The following TANGO2 variants were observed in gnomAD, a reference collection of about 807,000 sequenced individuals.
TANGO2 encodes the protein transport and Golgi organization protein 2 homolog.
TANGO2 carries 26 observed loss-of-function variants against 39.1 expected under a neutral mutation model. The ratio of observed to expected loss-of-function variants is 0.67; its 90% confidence interval spans 0.49 to 0.92. TANGO2 has a LOEUF of 0.92. Among genes scored for constraint, TANGO2 ranks in the 40% least tolerant of loss-of-function variants. TANGO2 has a pLI of 0.00. For missense variants in TANGO2, 326 were observed against 360.1 expected, an observed-to-expected ratio of 0.91 and a Z score of 0.77; for synonymous variants, 131 against 144.5, an observed-to-expected ratio of 0.91 and a Z score of 0.67.
chr22:20,046,849 G>A (rs1253336636), intron 3 of TANGO2, among the ~76,000 whole-genome samples: 1 of 152,012 alleles, frequency 6.6e-6, no homozygotes, highest in Admixed American at 6.6e-5. Flanking sequence ...GGTTGGCTGG[G>A]CTGGTCTCAA....
At position 20,052,461 on chromosome 22, in the gene TANGO2, A is replaced by G. The variant is rs1399000671; in HGVS notation, c.146-4A>G. On this transcript the variant is annotated splice_region_variant and splice_polypyrimidine_tract_variant and intron_variant, in intron 3 of 8. Transcript: ENST00000327374. The stretch of plus-strand genomic sequence containing the variant: ...AATGGTGGTAACACTGTCATCTGCC[A>G]CAGGGCTGGACATGGAGGAAGGCAA... 6.3e-7 allele frequency: 1 copy of G among 1,597,242 alleles called. No individual in the cohort carries two copies. Among genetic ancestry groups the G allele is most frequent in the Non-Finnish European group, 8.5e-7 (1 of 1,172,010 alleles).
chr22:20,045,842 A>G (rs1244169520), intron 3 of TANGO2, among the ~76,000 whole-genome samples: 4 of 148,962 alleles, frequency 2.7e-5, no homozygotes, highest in African/African-American at 9.9e-5. Context: ...CTTCTCTCTC[A>G]CTCTCTCCTT....
intron 5 of TANGO2, 181 bp downstream of exon 5, chr22:20,053,732 T>TA: frequency 1.6e-6 from 1 of 642,664 alleles, no homozygotes. Flanking sequence ...CTCGGGTATT[T>TA]GGGGGTGAAG....
intron 3 of TANGO2, among the ~76,000 whole-genome samples, chr22:20,051,919 T>A (rs750457438): frequency 6.6e-6 from 1 of 152,326 alleles, no homozygotes; most frequent in South Asian, 2.1e-4. Flanking sequence ...CCCCAATCTT[T>A]GGGTAAAATG....
chr22:20,021,082 CTGCGGTGG>C (rs2039559130), upstream of TANGO2: 1 of 152,914 alleles, frequency 6.5e-6, no homozygotes. Context: ...ACTGGGCTGG[CTGCGGTGG>C]CGCGCGGGCG....
At position 20,043,460 on chromosome 22, in the gene TANGO2, G is replaced by T. The variant is rs752724704; in HGVS notation, c.145+17G>T. Reference sequence around the variant, plus strand: ...TCCTCAGTGGTGAGTCTTCCTGCGTGCTCAGCGGTGGCTGCGCCTTGTTGC... The same window carrying T: ...TCCTCAGTGGTGAGTCTTCCTGCGTTCTCAGCGGTGGCTGCGCCTTGTTGC... On this transcript the variant is annotated intron_variant, in intron 3 of 8. Transcript: ENST00000327374. 10 of 1,582,644 alleles carry T rather than the reference G, an allele frequency of 6.3e-6. No homozygotes were observed. In the Middle Eastern group the frequency reaches 5.0e-4, roughly 79 times the overall value.
At chr22:20,045,794 C>T (rs2045063930) in intron 3 of TANGO2, among the ~76,000 whole-genome samples, 1 of 152,132 alleles carries the variant, frequency 6.6e-6, no homozygotes, top group African/African-American at 2.4e-5. Context: ...TGAGCCATTG[C>T]ACCCAGCGGC....
intron 1 of TANGO2, among the ~76,000 whole-genome samples, chr22:20,035,619 C>T (rs1273968641): frequency 1.3e-5 from 2 of 152,216 alleles, no homozygotes; most frequent in Middle Eastern, 3.2e-3. Context: ...GTCCCCGGCA[C>T]GTGTCCATGC....
chr22:20,031,153 G>T (rs537755334), intron 1 of TANGO2, among the ~76,000 whole-genome samples: 8 of 151,434 alleles, frequency 5.3e-5, no homozygotes, highest in Non-Finnish European at 1.2e-4. Context: ...AGCTGAGATC[G>T]CGCCGCTGCA....
chr22:20,022,935 G>C (rs1031224707), intron 1 of TANGO2, among the ~76,000 whole-genome samples: 3 of 152,238 alleles, frequency 2.0e-5, no homozygotes, highest in African/African-American at 7.2e-5. Context: ...CATGGCAGCA[G>C]CATGGCAGAG....
At position 20,041,414 on chromosome 22, in the gene TANGO2, A is replaced by G. The variant is rs193263084; in HGVS notation, c.57-1941A>G. 6.1e-4 allele frequency among the ~76,000 whole-genome samples: 92 copies of G among 149,620 alleles called. 1 individual carries two copies. The highest frequency in any genetic ancestry group is 3.4e-3 in the Middle Eastern group (1 of 292). Reference sequence around the variant, plus strand: ...TGCAAACTCTGCCTCCCGGGTTCACACCATTGTCCTGCCTCAGCCTCCCGA... The same window carrying G: ...TGCAAACTCTGCCTCCCGGGTTCACGCCATTGTCCTGCCTCAGCCTCCCGA... On this transcript the variant is annotated intron_variant, in intron 2 of 8. Transcript: ENST00000327374.
chr22:20,060,687 C>T (rs1033905163), intron 6 of TANGO2, among the ~76,000 whole-genome samples: 5 of 152,194 alleles, frequency 3.3e-5, no homozygotes, highest in East Asian at 1.9e-4. Context: ...CTGGGGCTGG[C>T]GGCTTGGCTC....
Position 20,064,684 on chromosome 22 carries a change from G to C in TANGO2, c.*22G>C. ...CTAACCCCACCTCTGGGCCTGGCCA[G>C]TGGGCTCCTGGGGGGCCCTGCCTTG... On this transcript the variant is annotated 3_prime_UTR_variant, in exon 9 of 9. Coordinates refer to ENST00000327374, the MANE Select transcript of TANGO2 (RefSeq NM_152906.7). The C allele has an allele frequency of 6.2e-7, 1 of 1,613,208 alleles. No individual in the cohort carries two copies. The highest frequency in any genetic ancestry group is 2.2e-5 in the East Asian group (1 of 44,880).
intron 7 of TANGO2, 23 bp from the exon 8 acceptor site, chr22:20,063,315 C>T (rs1432881369): frequency 6.2e-7 from 1 of 1,609,326 alleles, no homozygotes; most frequent in South Asian, 1.1e-5. Context: ...GACTAATGGC[C>T]ACCACTTCTC....
chr22:20,036,208 C>T (rs2520734), intron 1 of TANGO2, among the ~76,000 whole-genome samples: 4,470 of 152,210 alleles, frequency 0.029, 108 homozygotes, highest in South Asian at 0.079. Context: ...TAATAGGCGA[C>T]GTCCGGGAAA....
intron 1 of TANGO2, among the ~76,000 whole-genome samples, chr22:20,028,707 T>C (rs2041265396): frequency 6.6e-6 from 1 of 152,198 alleles, no homozygotes; most frequent in Non-Finnish European, 1.5e-5. Flanking sequence ...CCTGTTGGCC[T>C]CCTCAGAAGG....
chr22:20,055,566 T>C, intron 5 of TANGO2: 1 of 328,462 alleles, frequency 3.0e-6, no homozygotes, highest in Non-Finnish European at 5.8e-6. Context: ...AGATGAGCTG[T>C]GGTAAGGGGC....
rs374532306 is a variant in TANGO2, at chr22:20,053,432, T to C, written c.266-5T>C. ...GTGGACACAGCATCTGTCCCCTGCC[T>C]ACAGGTGAACTTGTCACCCACTTTC... is the stretch of plus-strand genomic sequence containing the variant. On this transcript the variant is annotated splice_polypyrimidine_tract_variant and splice_region_variant and intron_variant, in intron 4 of 8. Transcript: ENST00000327374. 39 of 1,597,840 alleles carry C rather than the reference T, an allele frequency of 2.4e-5. No individual in the cohort carries two copies. The highest frequency in any genetic ancestry group is 3.2e-5 in the Non-Finnish European group (37 of 1,165,344).
chr22:20,043,301 G>T, intron 2 of TANGO2, 54 bp from the exon 3 acceptor site: 1 of 1,360,252 alleles, frequency 7.4e-7, no homozygotes. Flanking sequence ...AAGAGAAAAA[G>T]ACTTGGCTCG....
Sources: gnomAD v4.1 joint callset for allele counts (sites outside exome capture counted in the v4.1 genomes callset) on GRCh38, gnomAD v4.1.1 for gene constraint, MANE v1.5 for transcripts, NCBI Gene and HGNC (gene_info 2026-07-23, HGNC 2026-07-21) for gene names.